DEPDC5: variants seen among roughly 807,000 people sequenced by gnomAD.
The protein encoded by DEPDC5 is GATOR1 complex protein DEPDC5.
In DEPDC5, 73 loss-of-function variants were observed where a neutral mutation model predicts 217.3. The ratio of observed to expected loss-of-function variants is 0.34; its 90% CI spans 0.28 to 0.41. DEPDC5 has a LOEUF of 0.41. DEPDC5 is among the 10% of genes least tolerant of loss of function. The pLI is 1.00. For missense variants in DEPDC5, 1,675 were observed against 2,070.1 expected, an observed-to-expected ratio of 0.81 and a Z score of 3.70; for synonymous variants, 733 against 756.7, an observed-to-expected ratio of 0.97 and a Z score of 0.51.
intron 23 of DEPDC5, 126 bp downstream of exon 23, chr22:31,821,763 G>C (rs975273007): frequency 7.4e-7 from 1 of 1,358,776 alleles, no homozygotes; most frequent in Non-Finnish European, 9.9e-7. Flanking sequence ...TGAGGTCAGG[G>C]CCTTCCTTTG....
Position 31,822,741 on chromosome 22 carries a change from C to T in DEPDC5, c.2055C>T (p.Phe685=). 1.2e-6 allele frequency: 2 copies of T among 1,614,104 alleles called. No individual in the cohort carries two copies. Among genetic ancestry groups the T allele is most frequent in the South Asian group, 2.2e-5 (2 of 91,066 alleles). ...GTGACGGCATGTCCTTCTTGAACTT[C>T]AGTGGAACAGAGGAGCTTTCTGTCG... The part of the protein sequence containing the change: ...QPGDGMSFLN[F]SGTEELSVGL... The change falls in exon 24 of 43, where the codon TTC becomes TTT. Residue 685 remains phenylalanine, a synonymous_variant. Coordinates refer to ENST00000651528, the MANE Select transcript of DEPDC5 (RefSeq NM_001242896.3).
At chr22:31,784,448 G>A (rs528227526) in intron 9 of DEPDC5, 3 of 203,096 alleles carry the variant, frequency 1.5e-5, no homozygotes, top group South Asian at 1.7e-4. Flanking sequence ...GACCAACATC[G>A]GGAAACCCCA....
intron 33 of DEPDC5, among the ~76,000 whole-genome samples, chr22:31,866,915 C>T (rs1235539756): frequency 1.3e-5 from 2 of 152,224 alleles, no homozygotes; most frequent in Non-Finnish European, 2.9e-5. Flanking sequence ...ATCACTCCTT[C>T]ATCACTTGGT....
chr22:31,806,305 A>G (rs2087532228), intron 18 of DEPDC5, 114 bp downstream of exon 18: 1 of 877,512 alleles, frequency 1.1e-6, no homozygotes, highest in Non-Finnish European at 1.7e-6. Context: ...GGGATTACAG[A>G]CATGAGCCAT....
In DEPDC5 at chr22:31,861,739, T is replaced by C. The variant is rs140911508; in HGVS notation, c.3330+306T>C. Among the ~76,000 whole-genome samples, 696 of 152,316 alleles carry C rather than the reference T, an allele frequency of 4.6e-3. 6 individuals carry two copies. The highest frequency in any genetic ancestry group is 0.015 in the African/African-American group (637 of 41,560). On this transcript the variant is annotated intron_variant, in intron 33 of 42. Transcript: ENST00000651528. Reference sequence around the variant, plus strand: ...ACTTTGCAGCATCTTCACTTTTAGGTTTTATGAGCAACATGAAATATGCTT... The same window carrying C: ...ACTTTGCAGCATCTTCACTTTTAGGCTTTATGAGCAACATGAAATATGCTT...
At chr22:31,785,990 G>T (rs1335118851) in intron 10 of DEPDC5, among the ~76,000 whole-genome samples, 1 of 152,088 alleles carries the variant, frequency 6.6e-6, no homozygotes, top group Non-Finnish European at 1.5e-5. Flanking sequence ...AAGTCATCTG[G>T]GTGCGGTGGC....
intron 20 of DEPDC5, 166 bp downstream of exon 20, chr22:31,810,807 C>T (rs919178136): frequency 4.4e-6 from 5 of 1,123,830 alleles, no homozygotes; most frequent in Non-Finnish European, 6.2e-6. Context: ...TGGAGTTTCG[C>T]TCTTGTTGCC....
At chr22:31,787,886 A>G (rs2085179784) in intron 10 of DEPDC5, among the ~76,000 whole-genome samples, 1 of 151,788 alleles carries the variant, frequency 6.6e-6, no homozygotes, top group African/African-American at 2.4e-5. Context: ...TTTGCAAATT[A>G]TTTTCTGATA....
intron 24 of DEPDC5, among the ~76,000 whole-genome samples, chr22:31,828,505 G>T (rs1386451082): frequency 6.8e-6 from 1 of 146,204 alleles, no homozygotes. Flanking sequence ...ATAGTTGAAT[G>T]AATGCTAAAA....
chr22:31,812,053 A>T (rs538283671), intron 20 of DEPDC5, among the ~76,000 whole-genome samples: 3 of 150,028 alleles, frequency 2.0e-5, no homozygotes, highest in Admixed American at 6.6e-5. Context: ...CAGTGCTGCA[A>T]TCTCGGCTCA....
intron 17 of DEPDC5, among the ~76,000 whole-genome samples, chr22:31,805,652 C>G (rs947830401): frequency 6.6e-6 from 1 of 152,114 alleles, no homozygotes; most frequent in African/African-American, 2.4e-5. Flanking sequence ...AGGTGCCTGC[C>G]GCCACGCCCG....
At chr22:31,890,992 A>G (rs2093427708) in intron 38 of DEPDC5, 1 of 200,370 alleles carries the variant, frequency 5.0e-6, no homozygotes, top group African/African-American at 2.4e-5. Context: ...TGCTGGGATT[A>G]CAGGCGTGAG....
rs2087194644 is a variant in DEPDC5 at position 31,804,091 on chromosome 22, T to C, written c.1082-71T>C. The C allele has an allele frequency of 3.4e-6, 5 of 1,481,964 alleles. No homozygotes were observed. In the East Asian group the frequency reaches 1.1e-4, roughly 34 times the overall value. The allele number at this position is 1,481,964 out of a possible 1,614,324, so 91.8% of individuals were successfully genotyped here. ...TTGCCTACTACCCATTTAAATAACA[T>C]GATTTATAGATAGGGACACTTGTCT... On this transcript the variant is annotated intron_variant, in intron 15 of 42. Transcript: ENST00000651528.
intron 16 of DEPDC5, among the ~76,000 whole-genome samples, chr22:31,804,532 C>T (rs184180035): frequency 2.4e-3 from 360 of 152,278 alleles, no homozygotes; most frequent in Non-Finnish European, 4.4e-3. Flanking sequence ...CTCTGCCTCC[C>T]GGGTTCAATC....
chr22:31,838,647 G>A (rs1215182298), intron 26 of DEPDC5, 38 bp from the exon 27 acceptor site: 3 of 1,607,770 alleles, frequency 1.9e-6, no homozygotes, highest in Non-Finnish European at 2.6e-6. Context: ...ACTGTCTCGG[G>A]CCAAGCATCT....
rs1602677299 is a variant in DEPDC5, at chr22:31,879,547, C to G, written c.3828C>G (p.Thr1276=). ...CAGTGGCCATGCAGCAGCCCGCCACCACCTGGCACACAGCAGGAGTGGACG... is the reference window on the plus strand; with the variant it reads ...CAGTGGCCATGCAGCAGCCCGCCACGACCTGGCACACAGCAGGAGTGGACG... ...PDRVAMQQPA[T]TWHTAGVDDF... The change falls in exon 38 of 43, where the codon ACC becomes ACG. Residue 1276 remains threonine, a synonymous_variant. Transcript: ENST00000651528. 6.2e-7 allele frequency: 1 copy of G among 1,611,582 alleles called. No homozygotes were observed. Among genetic ancestry groups the G allele is most frequent in the South Asian group, 1.1e-5 (1 of 91,084 alleles).
intron 37 of DEPDC5, among the ~76,000 whole-genome samples, chr22:31,877,455 A>AC (rs1205944604): frequency 1.4e-5 from 2 of 146,596 alleles, no homozygotes; most frequent in African/African-American, 2.5e-5. Context: ...AAAAAAAAAA[A>AC]AAAAAAAAAA....
chr22:31,873,792 T>TG (rs2092917154), intron 35 of DEPDC5: 1 of 133,086 alleles, frequency 7.5e-6, no homozygotes, highest in African/African-American at 2.8e-5. Flanking sequence ...ACTTCTTCTT[T>TG]TTTTTTTTTT....
chr22:31,798,691 G>T lies in DEPDC5; in HGVS notation c.946+35G>T, dbSNP rs544307885. The T allele has an allele frequency of 6.9e-6, 11 of 1,595,370 alleles. No individual in the cohort carries two copies. The East Asian group carries it at 2.5e-4, about 36-fold the overall frequency. ...GATGCCGGCCATGAGCCAGCATCTTGCCTACCACATGGCTATGTTACCGGA... is the reference window on the plus strand; with the variant it reads ...GATGCCGGCCATGAGCCAGCATCTTTCCTACCACATGGCTATGTTACCGGA... On this transcript the variant is annotated intron_variant, in intron 14 of 42. Transcript: ENST00000651528.
Sources: gnomAD v4.1 joint callset for allele counts (sites outside exome capture counted in the v4.1 genomes callset) on GRCh38, gnomAD v4.1.1 for gene constraint, MANE v1.5 for transcripts, NCBI Gene and HGNC (gene_info 2026-07-23, HGNC 2026-07-21) for gene names.